The following GRM1 variants were observed in gnomAD, a reference collection of about 807,000 sequenced individuals.
GRM1 encodes metabotropic glutamate receptor 1.
A neutral mutation model predicts 90.9 loss-of-function variants in GRM1; 33 were observed. The observed-to-expected ratio is 0.36, with a 90% CI of 0.28 to 0.49. The LOEUF (loss-of-function observed/expected upper bound fraction) is 0.49, where lower values mean the gene tolerates loss of function less well. Ranked by LOEUF, GRM1 falls within the 20% of genes least tolerant of loss-of-function variation. The pLI is 0.99. For synonymous variants in GRM1, 700 were observed against 613.2 expected, an observed-to-expected ratio of 1.14 and a Z score of -2.09; for missense variants, 1,190 against 1,534.3, an observed-to-expected ratio of 0.78 and a Z score of 3.75.
intron 2 of GRM1, among the ~76,000 whole-genome samples, chr6:146,270,849 TTTTCTTTC>T (rs1164507964): frequency 0.014 from 1,263 of 91,626 alleles, 34 homozygotes; most frequent in East Asian, 0.029. Flanking sequence ...CTTTCTTTCT[TTTTCTTTC>T]TTTCTTTCTT....
At chr6:146,207,078 T>C (rs1233357348) in intron 2 of GRM1, among the ~76,000 whole-genome samples, 1 of 152,174 alleles carries the variant, frequency 6.6e-6, no homozygotes, top group Admixed American at 6.5e-5. Context: ...GTTGATTCCA[T>C]GTCTTTGCTA....
intron 3 of GRM1, among the ~76,000 whole-genome samples, chr6:146,350,405 A>C (rs575322104): frequency 1.4e-4 from 22 of 151,782 alleles, no homozygotes; most frequent in African/African-American, 4.8e-4. Flanking sequence ...TGATGGTTTT[A>C]GTATTGACAG....
chr6:146,375,572 G>A (rs751941706), intron 5 of GRM1, among the ~76,000 whole-genome samples: 1 of 151,842 alleles, frequency 6.6e-6, no homozygotes, highest in Non-Finnish European at 1.5e-5. Context: ...CTATCTAGGT[G>A]CTCCAGTATT....
intron 7 of GRM1, among the ~76,000 whole-genome samples, chr6:146,408,094 G>A (rs1034773345): frequency 6.6e-6 from 1 of 152,096 alleles, no homozygotes; most frequent in Admixed American, 6.5e-5. Context: ...CCTAGTGAGG[G>A]TCCTCTTCTG....
chr6:146,388,375 G>A (rs1204232794), intron 6 of GRM1, among the ~76,000 whole-genome samples: 1 of 151,878 alleles, frequency 6.6e-6, no homozygotes, highest in Non-Finnish European at 1.5e-5. Flanking sequence ...TTGATGGTTG[G>A]ACATTTTTTT....
At chr6:146,246,632 C>T (rs1294861120) in intron 2 of GRM1, among the ~76,000 whole-genome samples, 1 of 152,160 alleles carries the variant, frequency 6.6e-6, no homozygotes, top group Non-Finnish European at 1.5e-5. Flanking sequence ...TTCATATCTG[C>T]TATTTCTAGA....
In GRM1 at chr6:146,399,361, C is replaced by A. The variant is rs1365103208; in HGVS notation, c.2322C>A (p.Thr774=). Residue 774 remains threonine, a synonymous_variant, in exon 7 of 8, where the codon ACC becomes ACA. Coordinates refer to ENST00000282753, the MANE Select transcript of GRM1 (RefSeq NM_001278064.2). The surrounding 1 kb of genome is among the most constrained non-coding windows in gnomAD (Gnocchi z 5.4). ...IMSCTYYAFK[T]RNVPANFNEA... ...GCTGTACCTACTATGCCTTCAAGAC[C>A]CGCAACGTGCCCGCCAACTTCAACG... 2 of 1,614,036 alleles carry A rather than the reference C, an allele frequency of 1.2e-6. No homozygotes were observed. Among genetic ancestry groups the A allele is most frequent in the African/African-American group, 1.3e-5 (1 of 74,902 alleles).
chr6:146,083,578 G>A (rs1400730107), intron 1 of GRM1, among the ~76,000 whole-genome samples: 1 of 152,222 alleles, frequency 6.6e-6, no homozygotes, highest in Non-Finnish European at 1.5e-5. Flanking sequence ...TCCTAGGGAT[G>A]AAGCCGACTT....
intron 1 of GRM1, among the ~76,000 whole-genome samples, chr6:146,079,821 C>T (rs1776304367): frequency 6.6e-6 from 1 of 152,160 alleles, no homozygotes; most frequent in Admixed American, 6.5e-5. Flanking sequence ...GAGGAACTAT[C>T]AGTGGAATTT....
At chr6:146,395,436 C>T (rs1776892285) in intron 6 of GRM1, among the ~76,000 whole-genome samples, 1 of 152,058 alleles carries the variant, frequency 6.6e-6, no homozygotes, top group Non-Finnish European at 1.5e-5. Flanking sequence ...AGAAAAGCTT[C>T]TGAAAGTGCT....
intron 3 of GRM1, among the ~76,000 whole-genome samples, chr6:146,320,133 C>T (rs534860295): frequency 9.2e-5 from 14 of 152,166 alleles, no homozygotes; most frequent in Non-Finnish European, 1.5e-4. Context: ...TTTTGAGATA[C>T]GTTCCATCAA....
chr6:146,059,597 A>G (rs189361758), intron 1 of GRM1, among the ~76,000 whole-genome samples: 1 of 152,128 alleles, frequency 6.6e-6, no homozygotes, highest in Non-Finnish European at 1.5e-5. Flanking sequence ...CTGTCCTTTG[A>G]AGCTTTGGAG....
At chr6:146,063,359 A>G (rs1775737370) in intron 1 of GRM1, among the ~76,000 whole-genome samples, 1 of 152,206 alleles carries the variant, frequency 6.6e-6, no homozygotes, top group South Asian at 2.1e-4. Context: ...AGTTTGTAGA[A>G]ATGTTGATTA....
chr6:146,141,176 TC>T, intron 1 of GRM1, among the ~76,000 whole-genome samples: 1 of 152,322 alleles, frequency 6.6e-6, no homozygotes, highest in African/African-American at 2.4e-5. Flanking sequence ...AGATTTTTTT[TC>T]GTCCTGCATT....
At chr6:146,140,002 C>T (rs1295462470) in intron 1 of GRM1, among the ~76,000 whole-genome samples, 2 of 138,118 alleles carry the variant, frequency 1.4e-5, no homozygotes, top group Non-Finnish European at 3.2e-5. Flanking sequence ...CTCCGCTTCC[C>T]TCCCCTCCCC....
intron 2 of GRM1, among the ~76,000 whole-genome samples, chr6:146,289,888 A>G (rs1782914218): frequency 6.6e-6 from 1 of 152,176 alleles, no homozygotes; most frequent in Non-Finnish European, 1.5e-5. Context: ...AATGCATTCT[A>G]TGATGTTCAC....
chr6:146,083,907 C>T (rs757442271), intron 1 of GRM1, among the ~76,000 whole-genome samples: 3 of 152,198 alleles, frequency 2.0e-5, no homozygotes, highest in Non-Finnish European at 4.4e-5. Flanking sequence ...GCCTCAATTT[C>T]AGAACTTGTT....
At position 146,281,310 on chromosome 6, in the gene GRM1, T is replaced by C. The variant is rs1220760571; in HGVS notation, c.951-23301T>C. Reference sequence around the variant, plus strand: ...CAACCACAGCTCTGCTCCTGACTAGTTGTAAGATTTTGGTACATTACTTAG... The same window carrying C: ...CAACCACAGCTCTGCTCCTGACTAGCTGTAAGATTTTGGTACATTACTTAG... On this transcript the variant is annotated intron_variant, in intron 2 of 7. Coordinates refer to ENST00000282753, the MANE Select transcript of GRM1 (RefSeq NM_001278064.2). 2.0e-5 allele frequency among the ~76,000 whole-genome samples: 3 copies of C among 152,162 alleles called. No individual in the cohort carries two copies. The South Asian group carries it at 6.2e-4, about 31-fold the overall frequency.
At chr6:146,121,204 T>C (rs1181225537) in intron 1 of GRM1, among the ~76,000 whole-genome samples, 1 of 152,120 alleles carries the variant, frequency 6.6e-6, no homozygotes, top group Non-Finnish European at 1.5e-5. Context: ...GTTTCTTCTA[T>C]GTTTTCTAGT....
Sources: allele counts gnomAD v4.1 joint callset (sites outside exome capture counted in the v4.1 genomes callset), GRCh38; gene constraint gnomAD v4.1.1; non-coding constraint Gnocchi (gnomAD v3.1); transcripts MANE v1.5; gene names NCBI Gene and HGNC (gene_info 2026-07-23, HGNC 2026-07-21).